Variants in CHRM2 observed in about 807,000 individuals in gnomAD.
The protein encoded by CHRM2 is muscarinic acetylcholine receptor M2.
CHRM2 carries 8 observed loss-of-function variants against 25.0 expected under a neutral mutation model. The observed-to-expected ratio is 0.32, with a 90% confidence interval of 0.19 to 0.58. The LOEUF is 0.58. CHRM2 is among the 20% of genes least tolerant of loss of function. CHRM2 has a pLI of 0.88. For missense variants in CHRM2, 440 were observed against 567.1 expected, an observed-to-expected ratio of 0.78 and a Z score of 2.28; for synonymous variants, 202 against 205.7, an observed-to-expected ratio of 0.98 and a Z score of 0.15.
chr7:136,875,112 TAC>T (rs551583611), intron 2 of CHRM2, among the ~76,000 whole-genome samples: 6 of 149,144 alleles, frequency 4.0e-5, no homozygotes, highest in Non-Finnish European at 5.9e-5. Context: ...TATACATATA[TAC>T]ACACATATAT....
chr7:136,968,721 A>AT (rs1801571265), intron 2 of CHRM2, among the ~76,000 whole-genome samples: 1 of 142,480 alleles, frequency 7.0e-6, no homozygotes, highest in Non-Finnish European at 1.5e-5. Flanking sequence ...TATTATCATA[A>AT]ATATATATAT....
At chr7:136,917,152 C>A in intron 2 of CHRM2, among the ~76,000 whole-genome samples, 1 of 143,246 alleles carries the variant, frequency 7.0e-6, no homozygotes, top group East Asian at 2.1e-4. Context: ...CTATTTTCAG[C>A]TTTCTCACTT....
chr7:137,009,196 A>T (rs886142831), intron 3 of CHRM2, among the ~76,000 whole-genome samples: 1 of 152,048 alleles, frequency 6.6e-6, no homozygotes, highest in Admixed American at 6.6e-5. Flanking sequence ...AGAAAATTCC[A>T]TTTGTTTTTT....
chr7:136,952,454 G>C (rs1009578253), intron 2 of CHRM2, among the ~76,000 whole-genome samples: 3 of 152,098 alleles, frequency 2.0e-5, no homozygotes, highest in African/African-American at 7.2e-5. Context: ...CAGTGGCATT[G>C]TTCAAATTGT....
intron 2 of CHRM2, among the ~76,000 whole-genome samples, chr7:136,892,563 G>A (rs898847924): frequency 6.6e-6 from 1 of 151,996 alleles, no homozygotes; most frequent in African/African-American, 2.4e-5. Flanking sequence ...TTGGGCCCAA[G>A]TTTGATAAAG....
intron 3 of CHRM2, among the ~76,000 whole-genome samples, chr7:137,013,181 T>A (rs1486025659): frequency 6.6e-6 from 1 of 151,976 alleles, no homozygotes; most frequent in Non-Finnish European, 1.5e-5. Context: ...TTATTTTGAC[T>A]TTTTTGCTCT....
chr7:136,999,546 C>T (rs866810015), intron 3 of CHRM2, among the ~76,000 whole-genome samples: 4 of 151,980 alleles, frequency 2.6e-5, no homozygotes, highest in East Asian at 3.9e-4. Flanking sequence ...ATCCCTCCCC[C>T]CTCCTCCCAC....
intron 3 of CHRM2, among the ~76,000 whole-genome samples, chr7:136,994,718 A>G (rs1035023566): frequency 1.3e-5 from 2 of 150,992 alleles, no homozygotes; most frequent in African/African-American, 4.8e-5. Flanking sequence ...TTATTTTTCA[A>G]GTTATACACA....
intron 3 of CHRM2, among the ~76,000 whole-genome samples, chr7:137,000,730 C>T (rs376642504): frequency 7.1e-6 from 1 of 140,704 alleles, no homozygotes; most frequent in Non-Finnish European, 1.5e-5. Flanking sequence ...GTCTGTTCAC[C>T]TTTTTTTTTT....
At chr7:136,993,355 A>T (rs1406281796) in intron 3 of CHRM2, among the ~76,000 whole-genome samples, 1 of 152,226 alleles carries the variant, frequency 6.6e-6, no homozygotes, top group Non-Finnish European at 1.5e-5. Context: ...ACTAGCTGGC[A>T]CATAACTTAC....
intron 2 of CHRM2, among the ~76,000 whole-genome samples, chr7:136,905,668 AATTT>A (rs1275108567): frequency 3.3e-5 from 5 of 151,408 alleles, no homozygotes; most frequent in Non-Finnish European, 7.4e-5. Flanking sequence ...TTATAATTAG[AATTT>A]ATTTATTTAT....
chr7:136,889,200 T>A (rs925088574), intron 2 of CHRM2, among the ~76,000 whole-genome samples: 1 of 152,096 alleles, frequency 6.6e-6, no homozygotes, highest in African/African-American at 2.4e-5. Context: ...ATAGGTGATT[T>A]CTGAGAGAAG....
chr7:136,944,291 T>G (rs2130828475), intron 2 of CHRM2, among the ~76,000 whole-genome samples: 1 of 152,240 alleles, frequency 6.6e-6, no homozygotes, highest in Non-Finnish European at 1.5e-5. Flanking sequence ...TTCTTCTGCC[T>G]TTGCATCCTC....
chr7:136,968,175 A>G (rs947973615), intron 2 of CHRM2, among the ~76,000 whole-genome samples: 1 of 152,028 alleles, frequency 6.6e-6, no homozygotes, highest in Non-Finnish European at 1.5e-5. Context: ...CAACAGATCT[A>G]CAAAACTATT....
At chr7:137,010,890 T>C (rs1584920938) in intron 3 of CHRM2, among the ~76,000 whole-genome samples, 1 of 151,856 alleles carries the variant, frequency 6.6e-6, no homozygotes, top group African/African-American at 2.4e-5. Flanking sequence ...GGATAGAGTA[T>C]AATTCTTCAA....
In CHRM2 at chr7:136,942,359, T is replaced by G. The variant is rs182071896; in HGVS notation, c.-124-49828T>G. The stretch of plus-strand genomic sequence containing the variant: ...AAGCAAGATTTTGTGTCCTGGCAGC[T>G]TCCAGAAGCTCACCCTCCTCCTTCC... On this transcript the variant is annotated intron_variant, in intron 2 of 3. Coordinates refer to ENST00000680005, the MANE Select transcript of CHRM2 (RefSeq NM_001006630.2). Among the ~76,000 whole-genome samples the G allele has an allele frequency of 3.4e-3, 524 of 152,258 alleles. 2 individuals carry two copies. The highest frequency in any genetic ancestry group is 0.012 in the African/African-American group (499 of 41,556).
At chr7:136,890,505 G>C (rs973112865) in intron 2 of CHRM2, among the ~76,000 whole-genome samples, 55 of 152,214 alleles carry the variant, frequency 3.6e-4, no homozygotes, top group African/African-American at 1.3e-3. Flanking sequence ...TTCTGCAGTA[G>C]TGAACCTTGT....
At chr7:136,962,372 T>G (rs761687780) in intron 2 of CHRM2, among the ~76,000 whole-genome samples, 5 of 152,114 alleles carry the variant, frequency 3.3e-5, no homozygotes, top group Non-Finnish European at 7.4e-5. Context: ...TGGCCTCAAG[T>G]GATCAGCCTG....
At chr7:136,979,059 TC>T (rs1395818206) in intron 2 of CHRM2, among the ~76,000 whole-genome samples, 1 of 152,180 alleles carries the variant, frequency 6.6e-6, no homozygotes, top group East Asian at 1.9e-4. Context: ...TAATTTATAC[TC>T]CCACAAACAG....
Sources: allele counts gnomAD v4.1 joint callset (sites outside exome capture counted in the v4.1 genomes callset), GRCh38; gene constraint gnomAD v4.1.1; transcripts MANE v1.5; gene names NCBI Gene and HGNC (gene_info 2026-07-23, HGNC 2026-07-21).